The following EML4 variants were observed in gnomAD, a reference collection of about 807,000 sequenced individuals.
EML4 encodes the protein echinoderm microtubule-associated protein-like 4.
In EML4, 72 loss-of-function variants were observed where a neutral mutation model predicts 129.0. The observed-to-expected ratio is 0.56, with a 90% confidence interval of 0.46 to 0.68. EML4 has a LOEUF of 0.68. EML4 is among the 30% of genes least tolerant of loss of function. EML4 has a pLI of 0.00. For missense variants in EML4, 1,363 were observed against 1,190.6 expected, an observed-to-expected ratio of 1.14 and a Z score of -2.13; for synonymous variants, 532 against 405.0, an observed-to-expected ratio of 1.31 and a Z score of -3.77.
rs1193958636 is a variant in EML4, at chr2:42,330,211, C to G, written c.*4C>G. 2.5e-6 allele frequency: 4 copies of G among 1,612,254 alleles called. No individual in the cohort carries two copies. The highest frequency in any genetic ancestry group is 3.4e-6 in the Non-Finnish European group (4 of 1,179,234). On this transcript the variant is annotated 3_prime_UTR_variant, in exon 23 of 23. Transcript: ENST00000318522. ...AGACCCTTCGCCCTCGTCCTAACACCCTGGCTTCAGTGCAACTCTTTTCCT... is the reference window on the plus strand; with the variant it reads ...AGACCCTTCGCCCTCGTCCTAACACGCTGGCTTCAGTGCAACTCTTTTCCT...
At chr2:42,290,631 C>A (rs1228049458) in intron 11 of EML4, among the ~76,000 whole-genome samples, 3 of 151,392 alleles carry the variant, frequency 2.0e-5, no homozygotes, top group Non-Finnish European at 2.9e-5. Context: ...ATTTGGGAGG[C>A]TGAGGTGGAA....
intron 1 of EML4, among the ~76,000 whole-genome samples, chr2:42,236,442 G>C (rs1396976011): frequency 1.3e-5 from 2 of 152,150 alleles, no homozygotes; most frequent in East Asian, 3.9e-4. Flanking sequence ...AACAGAGACT[G>C]GGAGACTGCC....
At chr2:42,254,499 C>G (rs1474696971) in intron 2 of EML4, among the ~76,000 whole-genome samples, 1 of 150,834 alleles carries the variant, frequency 6.6e-6, no homozygotes, top group Admixed American at 6.6e-5. Context: ...AAACTAAATC[C>G]AAGGCTTGCT....
At chr2:42,264,940 A>T in intron 6 of EML4, 2 of 1,550,508 alleles carry the variant, frequency 1.3e-6, no homozygotes, top group Non-Finnish European at 1.7e-6. Flanking sequence ...ACTCGCGAAA[A>T]AAACAGCCAA....
intron 1 of EML4, among the ~76,000 whole-genome samples, chr2:42,205,227 A>G (rs540404792): frequency 2.6e-5 from 4 of 152,348 alleles, no homozygotes; most frequent in East Asian, 1.9e-4. Flanking sequence ...GAATTTTAGT[A>G]TAAGTTGGCT....
At chr2:42,234,092 A>T (rs1428772545) in intron 1 of EML4, among the ~76,000 whole-genome samples, 1 of 152,220 alleles carries the variant, frequency 6.6e-6, no homozygotes, top group Non-Finnish European at 1.5e-5. Flanking sequence ...TTTTGTCTGT[A>T]TCCTGCCTGC....
In EML4 at chr2:42,330,539, G is replaced by A. The variant is rs1670050283; in HGVS notation, c.*332G>A. ...ATTGATTTTGAAAACAAACCCCCTT[G>A]TTATCTGAACATGTTTTCTTCAGGA... is the stretch of plus-strand genomic sequence containing the variant. On this transcript the variant is annotated 3_prime_UTR_variant, in exon 23 of 23. Coordinates refer to ENST00000318522, the MANE Select transcript of EML4 (RefSeq NM_019063.5). The A allele has an allele frequency of 4.5e-6, 2 of 447,284 alleles. No homozygotes were observed. Among genetic ancestry groups the A allele is most frequent in the South Asian group, 4.4e-5 (2 of 45,516 alleles). 27.7% of individuals were successfully genotyped at this position (447,284 alleles called of 1,614,324 possible). A position where few individuals can be genotyped will look rare whatever the true frequency, so the allele number is the denominator to read the frequency against.
intron 4 of EML4, 192 bp downstream of exon 4, chr2:42,261,486 A>T: frequency 2.8e-6 from 1 of 353,120 alleles, no homozygotes; most frequent in Non-Finnish European, 4.9e-6. Context: ...ACAATTTCTC[A>T]GTTAAAACTG....
intron 17 of EML4, among the ~76,000 whole-genome samples, chr2:42,313,802 G>A (rs183087384): frequency 2.0e-5 from 3 of 152,090 alleles, no homozygotes; most frequent in Admixed American, 1.3e-4. Flanking sequence ...GGTGGCACAC[G>A]CCTGTAGTCC....
intron 1 of EML4, among the ~76,000 whole-genome samples, chr2:42,184,341 G>A (rs1003237281): frequency 4.6e-5 from 7 of 151,122 alleles, no homozygotes; most frequent in African/African-American, 7.3e-5. Context: ...CCATTAGCTC[G>A]TCATTTAACA....
intron 1 of EML4, among the ~76,000 whole-genome samples, chr2:42,177,098 AC>A (rs1670650926): frequency 2.6e-5 from 4 of 151,704 alleles, no homozygotes; most frequent in Non-Finnish European, 4.4e-5. Flanking sequence ...CAAATTATAA[AC>A]CTCTTGAAGG....
chr2:42,189,518 G>A (rs188576143), intron 1 of EML4, among the ~76,000 whole-genome samples: 11 of 152,296 alleles, frequency 7.2e-5, no homozygotes, highest in African/African-American at 2.6e-4. Context: ...AGTTCAAGGT[G>A]GCAATGAGCT....
intron 2 of EML4, among the ~76,000 whole-genome samples, chr2:42,252,557 A>G (rs1675848731): frequency 6.6e-6 from 1 of 152,162 alleles, no homozygotes; most frequent in South Asian, 2.1e-4. Flanking sequence ...TAAAGTCTGC[A>G]TCATCTGAAT....
In EML4 at chr2:42,303,091, CT is replaced by C. The variant is rs745420514; in HGVS notation, c.1642-5del. ...TTAGTATGTATATGGTGACTTTACA[CT>C]TTTTTTTCTAGGTTCCTGATCAGTA... On this transcript the variant is annotated splice_polypyrimidine_tract_variant and intron_variant, in intron 14 of 22. Transcript: ENST00000318522. 1.5e-5 allele frequency: 24 copies of C among 1,612,398 alleles called. No individual in the cohort carries two copies. In the Admixed American group the frequency reaches 2.3e-4, roughly 16 times the overall value.
chr2:42,242,900 TC>T (rs1675132201), intron 1 of EML4, among the ~76,000 whole-genome samples: 1 of 152,016 alleles, frequency 6.6e-6, no homozygotes, highest in Admixed American at 6.6e-5. Flanking sequence ...ATTTCACTTT[TC>T]TGAGTAGCTG....
At chr2:42,322,296 C>T (rs539356415) in intron 19 of EML4, among the ~76,000 whole-genome samples, 10 of 152,322 alleles carry the variant, frequency 6.6e-5, no homozygotes, top group African/African-American at 2.4e-4. Flanking sequence ...AGTGCAGCAA[C>T]GTTTCAGTTA....
chr2:42,254,187 G>A (rs1165623318), intron 2 of EML4, among the ~76,000 whole-genome samples: 1 of 152,138 alleles, frequency 6.6e-6, no homozygotes, highest in South Asian at 2.1e-4. Context: ...GGGCACAGTG[G>A]CTCACGCTTA....
At chr2:42,321,309 G>A (rs1444909750) in intron 19 of EML4, among the ~76,000 whole-genome samples, 1 of 152,092 alleles carries the variant, frequency 6.6e-6, no homozygotes, top group Non-Finnish European at 1.5e-5. Flanking sequence ...CATGAACCCG[G>A]GAGGCGGAGC....
intron 1 of EML4, among the ~76,000 whole-genome samples, chr2:42,219,553 CAA>C (rs1673424239): frequency 6.6e-6 from 1 of 152,070 alleles, no homozygotes; most frequent in Non-Finnish European, 1.5e-5. Context: ...TTGCATTTAA[CAA>C]AATTTTAAAA....
Sources: allele counts gnomAD v4.1 joint callset (sites outside exome capture counted in the v4.1 genomes callset), GRCh38; gene constraint gnomAD v4.1.1; transcripts MANE v1.5; gene names NCBI Gene and HGNC (gene_info 2026-07-23, HGNC 2026-07-21).